The following OLAH variants were observed in gnomAD, a reference collection of about 807,000 sequenced individuals.
OLAH encodes the protein S-acyl fatty acid synthase thioesterase, medium chain.
OLAH carries 33 observed loss-of-function variants against 27.8 expected under a neutral mutation model. That is an observed-to-expected ratio of 1.19 (90% CI 0.90 to 1.59). OLAH has a LOEUF of 1.59. Among genes scored for constraint, OLAH ranks in the 40% most tolerant of loss-of-function variants. The pLI is 0.00. For missense variants in OLAH, 359 were observed against 310.8 expected, an observed-to-expected ratio of 1.16 and a Z score of -1.17; for synonymous variants, 120 against 102.9, an observed-to-expected ratio of 1.17 and a Z score of -1.01.
intron 3 of OLAH, among the ~76,000 whole-genome samples, chr10:15,051,075 A>ATTTTT (rs1171804568): frequency 6.9e-5 from 4 of 58,034 alleles, no homozygotes; most frequent in East Asian, 2.2e-3. Context: ...TATTATTATT[A>ATTTTT]TTATTTTTTT....
At chr10:15,051,084 T>A (rs200190620) in intron 3 of OLAH, among the ~76,000 whole-genome samples, 159 of 120,286 alleles carry the variant, frequency 1.3e-3, no homozygotes, top group African/African-American at 1.7e-3. Context: ...TATTATTTTT[T>A]TTTTTTTTTG....
intron 6 of OLAH, among the ~76,000 whole-genome samples, chr10:15,067,045 A>C (rs1180706307): frequency 6.6e-6 from 1 of 152,232 alleles, no homozygotes; most frequent in African/African-American, 2.4e-5. Flanking sequence ...TTAAAAAGTT[A>C]AGTATATGAG....
At chr10:15,071,716 T>A (rs2131383061) in intron 6 of OLAH, 79 bp from the exon 7 acceptor site, 1 of 1,472,446 alleles carries the variant, frequency 6.8e-7, no homozygotes, top group Non-Finnish European at 9.3e-7. Flanking sequence ...CACCCCAAGT[T>A]TCATTGACAT....
chr10:15,064,568 C>A, intron 5 of OLAH, 66 bp downstream of exon 5: 2 of 866,016 alleles, frequency 2.3e-6, no homozygotes. Flanking sequence ...AAAAATAAGC[C>A]ATTATTTCTC....
chr10:15,071,927 G>C (rs1488420744), intron 7 of OLAH, 50 bp downstream of exon 7: 2 of 1,435,288 alleles, frequency 1.4e-6, no homozygotes, highest in Non-Finnish European at 1.9e-6. Context: ...ATGTTTGATG[G>C]CTTTAAAATT....
rs1487218671 is a variant in OLAH, at chr10:15,073,245, C to T, written c.*16C>T. On this transcript the variant is annotated 3_prime_UTR_variant, in exon 8 of 8. Transcript: ENST00000378228. ...CAATTTTTAGATATTTTCCCTTTCA[C>T]TTTTAAAATAATCAAAGTAATATCA... is the stretch of plus-strand genomic sequence containing the variant. 9.3e-6 allele frequency: 14 copies of T among 1,502,922 alleles called. No homozygotes were observed. Among genetic ancestry groups the T allele is most frequent in the Non-Finnish European group, 1.2e-5 (13 of 1,090,168 alleles). 93.1% of individuals were successfully genotyped at this position (1,502,922 alleles called of 1,614,324 possible).
intron 1 of OLAH, among the ~76,000 whole-genome samples, chr10:15,035,036 G>A (rs747804788): frequency 2.0e-5 from 3 of 152,008 alleles, no homozygotes; most frequent in African/African-American, 4.8e-5. Context: ...TCCTGACGTC[G>A]TGATCCGCCC....
chr10:15,072,094 C>T (rs57393196), intron 7 of OLAH, among the ~76,000 whole-genome samples: 14,522 of 151,998 alleles, frequency 0.096, 869 homozygotes, highest in Admixed American at 0.15. Context: ...CCACCATACC[C>T]GGCTATTTTT....
rs1342625845 is a variant in OLAH, at chr10:15,047,109, T to C, written c.-163-17T>C. ...TCTTCTCCTTCCTTTTCCTCTGACCTTCTTTATTTTTAACAGGGATTGGAG... is the reference window on the plus strand; with the variant it reads ...TCTTCTCCTTCCTTTTCCTCTGACCCTCTTTATTTTTAACAGGGATTGGAG... On this transcript the variant is annotated splice_polypyrimidine_tract_variant and intron_variant, in intron 1 of 7. Coordinates refer to ENST00000378228, the MANE Select transcript of OLAH (RefSeq NM_001039702.3). 2.0e-6 allele frequency: 1 copy of C among 494,064 alleles called. No homozygotes were observed. The highest frequency in any genetic ancestry group is 3.6e-6 in the Non-Finnish European group (1 of 279,464). The allele number at this position is 494,064 out of a possible 1,614,324, so 30.6% of individuals were successfully genotyped here.
chr10:15,037,852 G>A (rs954666696), intron 1 of OLAH, among the ~76,000 whole-genome samples: 2 of 152,192 alleles, frequency 1.3e-5, no homozygotes, highest in East Asian at 1.9e-4. Flanking sequence ...AACTGGCAGC[G>A]ACTTCAGCCA....
At chr10:15,066,776 G>T (rs1053372108) in intron 6 of OLAH, among the ~76,000 whole-genome samples, 3 of 152,020 alleles carry the variant, frequency 2.0e-5, no homozygotes, top group Non-Finnish European at 4.4e-5. Context: ...GAGTAGCTGG[G>T]ATTACAGGCA....
At chr10:15,066,607 T>TTATC (rs1844472826) in intron 6 of OLAH, among the ~76,000 whole-genome samples, 2 of 10,658 alleles carry the variant, frequency 1.9e-4, no homozygotes, top group South Asian at 0.011. Flanking sequence ...TATTTTTATT[T>TTATC]TATTTATTTA....
intron 3 of OLAH, among the ~76,000 whole-genome samples, chr10:15,058,687 G>A (rs1375453683): frequency 3.9e-5 from 6 of 152,178 alleles, no homozygotes; most frequent in African/African-American, 1.2e-4. Flanking sequence ...CTTTGTTAAA[G>A]TAGATCCAGA....
intron 3 of OLAH, chr10:15,056,919 C>T (rs371572493): frequency 2.9e-5 from 44 of 1,524,328 alleles, no homozygotes; most frequent in Admixed American, 1.2e-4. Flanking sequence ...CGTGAGCCAC[C>T]GTAGGCGTGA....
chr10:15,062,922 G>A (rs923141305), intron 4 of OLAH, among the ~76,000 whole-genome samples: 2 of 151,866 alleles, frequency 1.3e-5, no homozygotes, highest in African/African-American at 4.8e-5. Context: ...TATTTTTAAT[G>A]GAGTTGGGGT....
intron 6 of OLAH, among the ~76,000 whole-genome samples, chr10:15,066,766 G>A (rs1377561073): frequency 6.6e-6 from 1 of 151,818 alleles, no homozygotes; most frequent in Non-Finnish European, 1.5e-5. Flanking sequence ...TCAGCCTCCC[G>A]AGTAGCTGGG....
intron 3 of OLAH, among the ~76,000 whole-genome samples, chr10:15,051,309 ATTC>A (rs1255801933): frequency 6.6e-6 from 1 of 152,124 alleles, no homozygotes; most frequent in African/African-American, 2.4e-5. Flanking sequence ...AACAATCAGA[ATTC>A]TTAACAATTC....
intron 1 of OLAH, among the ~76,000 whole-genome samples, chr10:15,045,747 C>T (rs998286550): frequency 1.3e-5 from 2 of 152,150 alleles, no homozygotes; most frequent in East Asian, 1.9e-4. Context: ...AAAATGAATA[C>T]TTGGGATCCA....
chr10:15,065,809 C>A, intron 6 of OLAH, 56 bp downstream of exon 6: 1 of 1,500,700 alleles, frequency 6.7e-7, no homozygotes, highest in Non-Finnish European at 9.0e-7. Flanking sequence ...TGTAGAAAAA[C>A]ATAGATTGGC....
Sources: gnomAD v4.1 joint callset for allele counts (sites outside exome capture counted in the v4.1 genomes callset) on GRCh38, gnomAD v4.1.1 for gene constraint, MANE v1.5 for transcripts, NCBI Gene and HGNC (gene_info 2026-07-23, HGNC 2026-07-21) for gene names.